The following CXCL13 variants were observed in gnomAD, a reference collection of about 807,000 sequenced individuals.
CXCL13 encodes C-X-C motif chemokine 13.
In CXCL13, 7 loss-of-function variants were observed where a neutral mutation model predicts 12.2. That is an observed-to-expected ratio of 0.57 (90% confidence interval 0.33 to 1.07). The LOEUF is 1.07. Ranked by LOEUF, CXCL13 falls within the 50% of genes least tolerant of loss-of-function variation. The pLI, the probability that CXCL13 is intolerant of heterozygous loss-of-function variation, is 0.04. For synonymous variants in CXCL13, 47 were observed against 42.4 expected (o/e 1.11, Z -0.42); for missense variants, 113 against 127.4 (o/e 0.89, Z 0.55).
intron 1 of CXCL13, among the ~76,000 whole-genome samples, chr4:77,564,317 GTAC>G (rs1725876623): frequency 6.6e-6 from 1 of 152,170 alleles, no homozygotes; most frequent in Non-Finnish European, 1.5e-5. Context: ...AGGACGTTCT[GTAC>G]TACTTCTGAA....
intron 1 of CXCL13, among the ~76,000 whole-genome samples, chr4:77,547,589 G>C (rs947847726): frequency 1.3e-5 from 2 of 152,016 alleles, no homozygotes; most frequent in Non-Finnish European, 2.9e-5. Context: ...TTTCTTGGTA[G>C]ATCTTCCTCC....
intron 1 of CXCL13, among the ~76,000 whole-genome samples, chr4:77,551,604 T>G (rs1335417784): frequency 6.6e-6 from 1 of 152,176 alleles, no homozygotes; most frequent in African/African-American, 2.4e-5. Context: ...TCGTTTTGTA[T>G]AGTATGTTGC....
At chr4:77,513,658 T>A (rs187859385) in intron 1 of CXCL13, among the ~76,000 whole-genome samples, 101 of 152,202 alleles carry the variant, frequency 6.6e-4, no homozygotes, top group African/African-American at 2.3e-3. Context: ...TTTACCATGT[T>A]AGCCAGGATG....
upstream of CXCL13, among the ~76,000 whole-genome samples, chr4:77,602,363 G>A (rs530406791): frequency 6.6e-6 from 1 of 152,268 alleles, no homozygotes; most frequent in South Asian, 2.1e-4. Flanking sequence ...GAAATGTCTT[G>A]TCCAAACATA....
chr4:77,572,835 A>G (rs1243650577), intron 1 of CXCL13, among the ~76,000 whole-genome samples: 1 of 151,966 alleles, frequency 6.6e-6, no homozygotes, highest in Non-Finnish European at 1.5e-5. Flanking sequence ...GAATCAACCT[A>G]AATGCTCATC....
chr4:77,570,788 G>C (rs1026862952), intron 1 of CXCL13, among the ~76,000 whole-genome samples: 1 of 149,540 alleles, frequency 6.7e-6, no homozygotes, highest in Non-Finnish European at 1.5e-5. Context: ...GCCCTGGGCA[G>C]TGAGGGGCTT....
chr4:77,513,669 G>A (rs1040169646), intron 1 of CXCL13, among the ~76,000 whole-genome samples: 1 of 151,936 alleles, frequency 6.6e-6, no homozygotes, highest in Non-Finnish European at 1.5e-5. Flanking sequence ...AGCCAGGATG[G>A]CCTCCATCTC....
chr4:77,567,861 T>A (rs1197959897), intron 1 of CXCL13, among the ~76,000 whole-genome samples: 1 of 152,236 alleles, frequency 6.6e-6, no homozygotes, highest in Non-Finnish European at 1.5e-5. Context: ...ATCCACCCCT[T>A]GTTTAGCATA....
At chr4:77,544,584 G>A (rs1179352578) in intron 1 of CXCL13, among the ~76,000 whole-genome samples, 1 of 152,188 alleles carries the variant, frequency 6.6e-6, no homozygotes, top group Non-Finnish European at 1.5e-5. Flanking sequence ...CCCACTTTTT[G>A]ATGGGGTTGT....
At chr4:77,562,107 G>A (rs1036456668) in intron 1 of CXCL13, among the ~76,000 whole-genome samples, 3 of 152,074 alleles carry the variant, frequency 2.0e-5, no homozygotes, top group Non-Finnish European at 4.4e-5. Flanking sequence ...CCTCCCTGTG[G>A]GGAAGGCCTC....
At chr4:77,520,958 C>A (rs879839972) in intron 1 of CXCL13, among the ~76,000 whole-genome samples, 3 of 152,180 alleles carry the variant, frequency 2.0e-5, no homozygotes, top group Non-Finnish European at 4.4e-5. Context: ...GCCTTTTCTG[C>A]ATCCATTGAG....
chr4:77,593,260 TCTAAC>T (rs1028781300), intron 1 of CXCL13, among the ~76,000 whole-genome samples: 7 of 152,246 alleles, frequency 4.6e-5, no homozygotes, highest in African/African-American at 1.7e-4. Context: ...CGAAACTGTT[TCTAAC>T]CTCAAATTAA....
In CXCL13 at chr4:77,590,216, A is replaced by G. The variant is rs535541224; in HGVS notation, c.-42-15608A>G. Among the ~76,000 whole-genome samples, 57 of 152,310 alleles carry G rather than the reference A, an allele frequency of 3.7e-4. No individual in the cohort carries two copies. In the South Asian group the frequency reaches 8.5e-3, roughly 23 times the overall value. ...ATAAATTGCTAACCACCTACCACAC[A>G]TGTCAGAAATGTCATTTTAGGGAAT... is the stretch of plus-strand genomic sequence containing the variant. On this transcript the variant is annotated intron_variant, in intron 1 of 4. Coordinates refer to the CXCL13 transcript ENST00000286758.
At chr4:77,539,924 G>A (rs1477873140) in intron 1 of CXCL13, among the ~76,000 whole-genome samples, 1 of 152,052 alleles carries the variant, frequency 6.6e-6, no homozygotes, top group East Asian at 1.9e-4. Context: ...TGTAATAGTG[G>A]CATCCAAAAG....
chr4:77,528,978 G>C (rs373106546), intron 1 of CXCL13, among the ~76,000 whole-genome samples: 1 of 152,162 alleles, frequency 6.6e-6, no homozygotes, highest in Admixed American at 6.5e-5. Context: ...AAGGGATCCA[G>C]TTTCAGCTTT....
intron 1 of CXCL13, among the ~76,000 whole-genome samples, chr4:77,569,511 C>A (rs534607546): frequency 2.6e-5 from 4 of 152,206 alleles, no homozygotes; most frequent in African/African-American, 9.6e-5. Context: ...TAATCCCATT[C>A]CCAACTGCCA....
At chr4:77,518,328 C>T (rs537422534) in intron 1 of CXCL13, among the ~76,000 whole-genome samples, 145 of 152,264 alleles carry the variant, frequency 9.5e-4, no homozygotes, top group African/African-American at 3.5e-3. Flanking sequence ...TTTCCCTAAT[C>T]TGAATGTTGG....
chr4:77,568,206 T>C (rs1224499318), intron 1 of CXCL13, among the ~76,000 whole-genome samples: 1 of 152,200 alleles, frequency 6.6e-6, no homozygotes, highest in East Asian at 1.9e-4. Flanking sequence ...TTTGTCCAGA[T>C]TCAACTCACT....
chr4:77,566,934 AC>A (rs1725936869), intron 1 of CXCL13, among the ~76,000 whole-genome samples: 1 of 152,136 alleles, frequency 6.6e-6, no homozygotes. Flanking sequence ...TGTGACCTGC[AC>A]CTATACATCC....
Sources: allele counts gnomAD v4.1 joint callset (sites outside exome capture counted in the v4.1 genomes callset), GRCh38; gene constraint gnomAD v4.1.1; transcripts MANE v1.5; gene names NCBI Gene and HGNC (gene_info 2026-07-23, HGNC 2026-07-21).